Variants in DAB1 observed in about 807,000 individuals in gnomAD.
DAB1 encodes DAB adaptor protein 1.
In DAB1, 15 loss-of-function variants were observed where a neutral mutation model predicts 64.6. The ratio of observed to expected loss-of-function variants is 0.23; its 90% CI spans 0.16 to 0.36. The LOEUF is 0.36. Ranked by LOEUF, DAB1 falls within the 10% of genes least tolerant of loss-of-function variation. The pLI is 1.00. For missense variants in DAB1, 596 were observed against 706.7 expected (o/e 0.84, Z 1.78); for synonymous variants, 235 against 251.9 (o/e 0.93, Z 0.64).
intron 7 of DAB1, among the ~76,000 whole-genome samples, chr1:57,566,426 A>G (rs1389017337): frequency 6.6e-6 from 1 of 152,236 alleles, no homozygotes; most frequent in East Asian, 1.9e-4. Flanking sequence ...AACTAAGATC[A>G]GGGCAGAACT....
chr1:58,090,830 G>A (rs1650608784), intron 5 of DAB1, among the ~76,000 whole-genome samples: 1 of 152,178 alleles, frequency 6.6e-6, no homozygotes, highest in South Asian at 2.1e-4. Flanking sequence ...ACAGAGAAAG[G>A]ATAATTTGGT....
intron 5 of DAB1, among the ~76,000 whole-genome samples, chr1:57,895,783 A>C (rs1644383497): frequency 1.3e-5 from 2 of 152,208 alleles, no homozygotes; most frequent in African/African-American, 4.8e-5. Flanking sequence ...CTGAGTTCCA[A>C]AATAATATCC....
intron 4 of DAB1, among the ~76,000 whole-genome samples, chr1:57,126,022 C>A (rs1657098292): frequency 2.6e-5 from 4 of 152,160 alleles, no homozygotes; most frequent in Admixed American, 2.6e-4. Flanking sequence ...AAATCATGGA[C>A]CCTGCCCTCA....
At chr1:57,181,684 C>A (rs1410194987) in intron 2 of DAB1, among the ~76,000 whole-genome samples, 1 of 152,060 alleles carries the variant, frequency 6.6e-6, no homozygotes, top group Non-Finnish European at 1.5e-5. Flanking sequence ...TGCATTGCTG[C>A]CTAAAATTAA....
intron 1 of DAB1, among the ~76,000 whole-genome samples, chr1:57,301,313 T>C (rs1051240887): frequency 6.6e-6 from 1 of 152,164 alleles, no homozygotes; most frequent in Non-Finnish European, 1.5e-5. Flanking sequence ...GCTCATCACA[T>C]CTGCTCCCCA....
At chr1:57,093,264 T>G (rs72905288) in intron 4 of DAB1, among the ~76,000 whole-genome samples, 3,833 of 152,288 alleles carry the variant, frequency 0.025, 158 homozygotes, top group African/African-American at 0.087. Context: ...TGGCACCTTG[T>G]GGAGTGGAAA....
chr1:57,661,605 A>AC (rs1223784187), intron 6 of DAB1, among the ~76,000 whole-genome samples: 7 of 151,720 alleles, frequency 4.6e-5, no homozygotes, highest in Admixed American at 6.6e-5. Context: ...GGTTCCAGGA[A>AC]CCCCCCATAC....
rs1659042126 is a variant in DAB1, at chr1:57,145,560, A to T, written c.68-131T>A. The T allele has an allele frequency of 1.4e-5, 12 of 862,012 alleles. No homozygotes were observed. In the South Asian group the frequency reaches 2.1e-4, roughly 15 times the overall value. 53.4% of individuals were successfully genotyped at this position (862,012 alleles called of 1,614,324 possible). ...AAAGTCAAATCACTGGACTCAGGAG[A>T]AAAGAATAGCAGTATTCCTAAATGT... On this transcript the variant is annotated intron_variant, in intron 2 of 14. Transcript: ENST00000371236.
chr1:57,333,423 A>C (rs1298713891), intron 1 of DAB1, among the ~76,000 whole-genome samples: 1 of 152,254 alleles, frequency 6.6e-6, no homozygotes, highest in East Asian at 1.9e-4. Flanking sequence ...TGTCAATAGG[A>C]CATGTGATAA....
chr1:58,286,578 CACTG>C (rs1194892420), intron 4 of DAB1, among the ~76,000 whole-genome samples: 3 of 152,186 alleles, frequency 2.0e-5, no homozygotes, highest in Non-Finnish European at 2.9e-5. Flanking sequence ...AGATCAACAT[CACTG>C]ACTATTAGAG....
intron 5 of DAB1, among the ~76,000 whole-genome samples, chr1:58,050,840 A>G (rs919716495): frequency 2.6e-5 from 4 of 152,012 alleles, no homozygotes; most frequent in African/African-American, 9.7e-5. Flanking sequence ...TCATTGCTTT[A>G]TTTTTATGAG....
chr1:58,242,559 T>G (rs1055592547), intron 4 of DAB1, among the ~76,000 whole-genome samples: 1 of 152,138 alleles, frequency 6.6e-6, no homozygotes, highest in Non-Finnish European at 1.5e-5. Flanking sequence ...AGATAACAAC[T>G]AGAATTTGAA....
chr1:58,274,798 C>T (rs1213730328), intron 4 of DAB1, among the ~76,000 whole-genome samples: 3 of 152,164 alleles, frequency 2.0e-5, no homozygotes, highest in Non-Finnish European at 4.4e-5. Context: ...CTTTCTTTGA[C>T]TCGGAAAGGG....
chr1:57,262,759 A>C (rs1399813915), intron 2 of DAB1, among the ~76,000 whole-genome samples: 1 of 152,196 alleles, frequency 6.6e-6, no homozygotes, highest in African/African-American at 2.4e-5. Flanking sequence ...TGCTGAGTAC[A>C]ATGGGCAGGA....
rs569392511 is a variant in DAB1 at position 58,118,895 on chromosome 1, C to T, written n.387+31616G>A. Among the ~76,000 whole-genome samples the T allele has an allele frequency of 2.9e-4, 44 of 151,992 alleles. No individual in the cohort carries two copies. In the East Asian group the frequency reaches 8.6e-3, roughly 30 times the overall value. On this transcript the variant is annotated intron_variant and non_coding_transcript_variant, in intron 5 of 20. Coordinates refer to the DAB1 transcript ENST00000485760. Reference sequence around the variant, plus strand: ...AATACAGCCTACACACCAGTGCTGTCCAATCGAACTTTCTGCTCTGATGGA... The same window carrying T: ...AATACAGCCTACACACCAGTGCTGTTCAATCGAACTTTCTGCTCTGATGGA...
intron 3 of DAB1, among the ~76,000 whole-genome samples, chr1:58,486,695 C>T (rs191972527): frequency 6.5e-4 from 99 of 152,148 alleles, no homozygotes; most frequent in African/African-American, 2.1e-3. Flanking sequence ...GTGTGTTGGA[C>T]GGACAATGAG....
chr1:58,265,674 G>C (rs552878906), intron 4 of DAB1, among the ~76,000 whole-genome samples: 3 of 152,120 alleles, frequency 2.0e-5, no homozygotes, highest in Non-Finnish European at 4.4e-5. Flanking sequence ...CTACACCTCA[G>C]TCAAATCCTA....
chr1:57,603,142 T>G (rs903932566), intron 7 of DAB1, among the ~76,000 whole-genome samples: 1 of 152,094 alleles, frequency 6.6e-6, no homozygotes, highest in African/African-American at 2.4e-5. Context: ...CTGGTTAATT[T>G]TGTATTTTTA....
chr1:57,563,134 T>C (rs930010286), intron 7 of DAB1, among the ~76,000 whole-genome samples: 6 of 152,120 alleles, frequency 3.9e-5, no homozygotes, highest in Admixed American at 2.6e-4. Context: ...CTGAGGTGTT[T>C]GCTGAAGGCA....
Sources: allele counts gnomAD v4.1 joint callset (sites outside exome capture counted in the v4.1 genomes callset), GRCh38; gene constraint gnomAD v4.1.1; transcripts MANE v1.5; gene names NCBI Gene and HGNC (gene_info 2026-07-23, HGNC 2026-07-21).